Variants in F5 observed in about 807,000 individuals in gnomAD.
F5 encodes coagulation factor V.
Under a neutral mutation model 216.4 loss-of-function variants are expected in F5, and 138 were observed. That is an observed-to-expected ratio of 0.64 (90% CI 0.56 to 0.73). The LOEUF (loss-of-function observed/expected upper bound fraction) is 0.73. F5 is among the 30% of genes least tolerant of loss of function. The pLI, the probability that F5 is intolerant of heterozygous loss-of-function variation, is 0.00. For synonymous variants in F5, 916 were observed against 930.7 expected, an observed-to-expected ratio of 0.98 and a Z score of 0.29; for missense variants, 2,403 against 2,674.0, an observed-to-expected ratio of 0.90 and a Z score of 2.24.
chr1:169,546,636 T>G, intron 10 of F5, 44 bp from the exon 11 acceptor site: 1 of 1,559,870 alleles, frequency 6.4e-7, no homozygotes, highest in Non-Finnish European at 8.8e-7. Context: ...AACAGACGCA[T>G]AGACCAATGG....
In F5 at chr1:169,530,809, C is replaced by T. The variant is rs1659578131; in HGVS notation, c.5185G>A (p.Ala1729Thr). The T allele has an allele frequency of 1.2e-6, 2 of 1,613,758 alleles. No individual in the cohort carries two copies. Among genetic ancestry groups the T allele is most frequent in the African/African-American group, 1.3e-5 (1 of 74,922 alleles). ...ESPGSACRAW[A>T]YYSAVNPEKD... ...ACTGGGTTCACAGCTGAGTAGTAGGCCCAAGCCCGACAGGCAGAGCCAGGA... is the reference window on the plus strand; with the variant it reads ...ACTGGGTTCACAGCTGAGTAGTAGGTCCAAGCCCGACAGGCAGAGCCAGGA... The change falls in exon 15 of 25, where the codon GCC (alanine) becomes ACC (threonine). Residue 1729 changes from alanine to threonine, a missense_variant. By Grantham distance (58) the Ala-to-Thr change is moderately conservative (BLOSUM62 0). This residue lies in a region of F5 where 659 missense variants were observed against 787.9 expected (regional missense o/e 0.84). Coordinates refer to ENST00000367797, the MANE Select transcript of F5 (RefSeq NM_000130.5).
chr1:169,515,234 C>T (rs1571555361), intron 24 of F5, among the ~76,000 whole-genome samples: 1 of 152,044 alleles, frequency 6.6e-6, no homozygotes, highest in South Asian at 2.1e-4. Context: ...TATTTATCCT[C>T]CTATGAGGGC....
chr1:169,572,251 G>C lies in F5; in HGVS notation c.343C>G (p.Gln115Glu). The C allele has an allele frequency of 6.2e-7, 1 of 1,613,030 alleles. No homozygotes were observed. The highest frequency in any genetic ancestry group is 2.2e-5 in the East Asian group (1 of 44,836). The change falls in exon 3 of 25, where the codon CAA becomes GAA. Residue 115 changes from glutamine (Q) to glutamate (E), a missense_variant. Coordinates refer to ENST00000367797, the MANE Select transcript of F5 (RefSeq NM_000130.5). ...KADKPLSIHP[Q>E]GIRYSKLSEG... is the part of the protein sequence containing the mutation. Reference sequence around the variant, plus strand: ...GATAATTTACTGTACCTAATTCCTTGAGGATGGATGCTCAAGGGCTTATCT... The same window carrying C: ...GATAATTTACTGTACCTAATTCCTTCAGGATGGATGCTCAAGGGCTTATCT...
chr1:169,561,344 G>A (rs1031433974), intron 3 of F5, among the ~76,000 whole-genome samples: 4 of 152,124 alleles, frequency 2.6e-5, no homozygotes, highest in Middle Eastern at 6.8e-3. Flanking sequence ...GTATGAATAT[G>A]AAATGTGTCC....
At chr1:169,569,483 C>T (rs896384955) in intron 3 of F5, among the ~76,000 whole-genome samples, 2 of 152,014 alleles carry the variant, frequency 1.3e-5, no homozygotes, top group African/African-American at 4.8e-5. Flanking sequence ...ACCAAAACGA[C>T]TTTGAAAATT....
chr1:169,551,868 C>T (rs995061020), intron 8 of F5, among the ~76,000 whole-genome samples: 11 of 152,278 alleles, frequency 7.2e-5, no homozygotes, highest in African/African-American at 2.2e-4. Context: ...AGGAAAACTC[C>T]GTGCTCTTGA....
chr1:169,521,626 T>G lies in F5; in HGVS notation c.6049-962A>C, dbSNP rs1015370492. ...GGTTCTGTGAAAAGATTTTTTTTTTTTTTTTTTTTTTTTGAGACGGAGTCT... is the reference window on the plus strand; with the variant it reads ...GGTTCTGTGAAAAGATTTTTTTTTTGTTTTTTTTTTTTTGAGACGGAGTCT... On this transcript the variant is annotated intron_variant, in intron 21 of 24. Transcript: ENST00000367797. Among the ~76,000 whole-genome samples the G allele has an allele frequency of 3.1e-3, 445 of 143,762 alleles. 2 individuals carry two copies. The highest frequency in any genetic ancestry group is 0.011 in the African/African-American group (428 of 38,766). 94.3% of individuals were successfully genotyped at this position (143,762 alleles called of 152,430 possible). A position where few individuals can be genotyped will look rare whatever the true frequency, so the allele number is the denominator to read the frequency against.
chr1:169,540,589 T>C lies in F5; in HGVS notation c.4501A>G (p.Thr1501Ala). 6.2e-7 allele frequency: 1 copy of C among 1,613,976 alleles called. No homozygotes were observed. The highest frequency in any genetic ancestry group is 8.5e-7 in the Non-Finnish European group (1 of 1,179,952). The change falls in exon 13 of 25, where the codon ACT (threonine) becomes GCT (alanine). Residue 1501 changes from threonine (T) to alanine (A), a missense_variant. Transcript: ENST00000367797. ...GGATTAAATTCCTTTGATAGAAAAG[T>C]ATCATTGAGAGTAGGAGATGAAGGA... The part of the protein sequence containing the change: ...PSPSSPTLND[T>A]FLSKEFNPLV...
In F5 at chr1:169,546,431, C is replaced by T; in HGVS notation, c.1762+11G>A. The stretch of plus-strand genomic sequence containing the variant: ...GAAAAACTGATGAACAAAAATAGTA[C>T]TCTGACTTACTGCTCATGATGTTTG... On this transcript the variant is annotated intron_variant, in intron 11 of 24. Transcript: ENST00000367797. The T allele has an allele frequency of 6.2e-7, 1 of 1,614,002 alleles. No homozygotes were observed. The highest frequency in any genetic ancestry group is 8.5e-7 in the Non-Finnish European group (1 of 1,179,940).
intron 16 of F5, among the ~76,000 whole-genome samples, chr1:169,528,346 T>A (rs1571564459): frequency 6.6e-6 from 1 of 152,214 alleles, no homozygotes; most frequent in Non-Finnish European, 1.5e-5. Flanking sequence ...CCAAGCAGTT[T>A]ATCACTCTTT....
At chr1:169,574,737 A>G (rs1571600453) in intron 2 of F5, among the ~76,000 whole-genome samples, 1 of 152,210 alleles carries the variant, frequency 6.6e-6, no homozygotes, top group African/African-American at 2.4e-5. Flanking sequence ...ATCTTGCCTA[A>G]TATCACACAG....
intron 2 of F5, among the ~76,000 whole-genome samples, chr1:169,577,576 T>C (rs1571602434): frequency 1.9e-5 from 2 of 104,168 alleles, no homozygotes; most frequent in South Asian, 2.9e-4. Flanking sequence ...TATATATATA[T>C]ATATATATAT....
At chr1:169,560,792 A>G (rs764927218) in intron 3 of F5, 26 bp from the exon 4 acceptor site, 14 of 1,607,078 alleles carry the variant, frequency 8.7e-6, no homozygotes, top group Admixed American at 1.7e-5. Context: ...CCATCAAGAC[A>G]TGTGGGCAGT....
chr1:169,541,411 C>G lies in F5; in HGVS notation c.3679G>C (p.Gly1227Arg), dbSNP rs549903844. 94 of 1,611,694 alleles carry G rather than the reference C, an allele frequency of 5.8e-5. No individual in the cohort carries two copies. In the South Asian group the frequency reaches 8.6e-4, roughly 15 times the overall value. The change falls in exon 13 of 25, where the codon GGT becomes CGT. Residue 1227 changes from glycine (G) to arginine (R), a missense_variant. Physicochemically the swap from Gly to Arg is moderately radical, Grantham distance 125 (BLOSUM62 -2). Transcript: ENST00000367797. ...LIQRNLSPAL[G>R]QMPISPDLSH... ...AGGTCTGGAGAAATGGGCATCTGAC[C>G]GAGGGCTGGGGAAAGGTTTCTCTGA...
At chr1:169,568,013 A>G (rs994613892) in intron 3 of F5, among the ~76,000 whole-genome samples, 1 of 152,154 alleles carries the variant, frequency 6.6e-6, no homozygotes, top group Middle Eastern at 3.2e-3. Flanking sequence ...TAAACAATCA[A>G]TGTTTCACAC....
intron 11 of F5, 75 bp from the exon 12 acceptor site, chr1:169,544,583 A>G: frequency 3.3e-6 from 4 of 1,210,892 alleles, no homozygotes; most frequent in Non-Finnish European, 3.6e-6. Flanking sequence ...ACCTAAGATA[A>G]ATGTCTCCAT....
intron 2 of F5, among the ~76,000 whole-genome samples, chr1:169,577,560 AATATATATAT>A (rs3035292): frequency 0.14 from 7,683 of 54,112 alleles, 760 homozygotes; most frequent in African/African-American, 0.25. Flanking sequence ...GGCTAATTTA[AATATATATAT>A]ATATATATAT....
rs1214354977 is a variant in F5, at chr1:169,512,408, C to T, written c.*1905G>A. On this transcript the variant is annotated 3_prime_UTR_variant, in exon 25 of 25. Transcript: ENST00000367797. ...CTGCCCAATTTCAGAGTAGAGAAGCCCAGGACTAGCTGCGTAATTTGTGGG... is the reference window on the plus strand; with the variant it reads ...CTGCCCAATTTCAGAGTAGAGAAGCTCAGGACTAGCTGCGTAATTTGTGGG... 6.6e-6 allele frequency among the ~76,000 whole-genome samples: 1 copy of T among 151,932 alleles called. No homozygotes were observed. Among genetic ancestry groups the T allele is most frequent in the Non-Finnish European group, 1.5e-5 (1 of 67,964 alleles).
At chr1:169,523,543 CTAAT>C (rs1659360249) in intron 20 of F5, among the ~76,000 whole-genome samples, 191 bp from the exon 21 acceptor site, 1 of 152,176 alleles carries the variant, frequency 6.6e-6, no homozygotes, top group African/African-American at 2.4e-5. Flanking sequence ...AACTCAATGA[CTAAT>C]TAGCTGTGTG....
Sources: gnomAD v4.1 joint callset for allele counts (sites outside exome capture counted in the v4.1 genomes callset) on GRCh38, gnomAD v4.1.1 for gene constraint, gnomAD v4.1.1 regional missense constraint, MANE v1.5 for transcripts, NCBI Gene and HGNC (gene_info 2026-07-23, HGNC 2026-07-21) for gene names.